The following CSAD variants were observed in gnomAD, a reference collection of about 807,000 sequenced individuals.
The protein encoded by CSAD is P-selectin cytoplasmic tail-associated protein.
Under a neutral mutation model 61.5 loss-of-function variants are expected in CSAD, and 47 were observed. The ratio of observed to expected loss-of-function variants is 0.76; its 90% CI spans 0.60 to 0.97. The LOEUF (loss-of-function observed/expected upper bound fraction) is 0.97, where lower values mean the gene tolerates loss of function less well. Ranked by LOEUF, CSAD falls within the 50% of genes least tolerant of loss-of-function variation. The probability of loss-of-function intolerance (pLI) is 0.00; values close to 1 mark genes in which losing one functional copy is unlikely to be tolerated. For synonymous variants in CSAD, 245 were observed against 252.7 expected, an observed-to-expected ratio of 0.97 and a Z score of 0.29; for missense variants, 611 against 643.6, an observed-to-expected ratio of 0.95 and a Z score of 0.55.
Position 53,159,616 on chromosome 12 carries a change from C to A in CSAD, c.1308+7G>T. On this transcript the variant is annotated splice_region_variant and intron_variant, in intron 16 of 16. Transcript: ENST00000444623. ...AACGGGTAAAGAGAGCAGCACAGCA[C>A]GCCTACCTTTGACAGCCTTTCGTGG... The A allele has an allele frequency of 3.1e-6, 5 of 1,607,782 alleles. No homozygotes were observed. The highest frequency in any genetic ancestry group is 4.2e-6 in the Non-Finnish European group (5 of 1,176,888).
chr12:53,171,446 C>A lies in CSAD; in HGVS notation c.452-5G>T. The stretch of plus-strand genomic sequence containing the variant: ...ACATGTTGGAGATGGAGCCACCTGT[C>A]ACAGGGAGGGGGCGGTGGCAAGAGG... On this transcript the variant is annotated splice_region_variant and splice_polypyrimidine_tract_variant and intron_variant, in intron 7 of 16. Transcript: ENST00000444623. 6.2e-7 allele frequency: 1 copy of A among 1,613,346 alleles called. No individual in the cohort carries two copies. Among genetic ancestry groups the A allele is most frequent in the East Asian group, 2.2e-5 (1 of 44,890 alleles).
chr12:53,167,128 C>T (rs895308702), intron 10 of CSAD, among the ~76,000 whole-genome samples: 3 of 152,156 alleles, frequency 2.0e-5, no homozygotes, highest in Admixed American at 6.5e-5. Context: ...AACAGTTCCA[C>T]ACACTTCAAA....
intron 10 of CSAD, among the ~76,000 whole-genome samples, chr12:53,167,271 C>A (rs532542407): frequency 1.3e-5 from 2 of 152,286 alleles, no homozygotes; most frequent in Admixed American, 1.3e-4. Context: ...AACTCCATAT[C>A]TTCAATTCCA....
intron 9 of CSAD, 94 bp from the exon 10 acceptor site, chr12:53,170,220 T>C: frequency 8.1e-7 from 1 of 1,234,100 alleles, no homozygotes. Context: ...ACAGTGCTAG[T>C]TTTTCCCTCA....
chr12:53,179,850 CCT>C (rs1190524904), intron 1 of CSAD: 2 of 1,613,420 alleles, frequency 1.2e-6, no homozygotes, highest in Non-Finnish European at 8.5e-7. Context: ...TTTAGCAGGA[CCT>C]CTCTCTAATG....
chr12:53,173,757 T>A lies in CSAD; in HGVS notation c.-36A>T. ...CTGCTCAGGAGAGCCGGAGGCAGGG[T>A]GCACAGGTAGCTCCTCAGGACAGCA... On this transcript the variant is annotated 5_prime_UTR_variant, in exon 3 of 17. Transcript: ENST00000444623. 6.2e-7 allele frequency: 1 copy of A among 1,613,242 alleles called. No individual in the cohort carries two copies. Among genetic ancestry groups the A allele is most frequent in the East Asian group, 2.2e-5 (1 of 44,880 alleles).
chr12:53,163,336 C>T (rs1163965781), intron 10 of CSAD, among the ~76,000 whole-genome samples: 1 of 152,176 alleles, frequency 6.6e-6, no homozygotes, highest in Non-Finnish European at 1.5e-5. Flanking sequence ...CGTGCCACTG[C>T]ACTCCAGCCT....
intron 7 of CSAD, 165 bp from the exon 8 acceptor site, chr12:53,171,606 G>T (rs1940588381): frequency 2.9e-6 from 2 of 698,956 alleles, no homozygotes; most frequent in Non-Finnish European, 4.7e-6. Flanking sequence ...TCCAGGATCA[G>T]CAGATCCTCT....
chr12:53,173,064 CG>C (rs1400183857), intron 4 of CSAD, among the ~76,000 whole-genome samples: 13 of 152,004 alleles, frequency 8.6e-5, no homozygotes, highest in African/African-American at 3.1e-4. Context: ...AAAAATTAGC[CG>C]GGCGTGGTGG....
chr12:53,176,731 AAT>A (rs1289348032), intron 2 of CSAD, among the ~76,000 whole-genome samples: 217 of 152,150 alleles, frequency 1.4e-3, no homozygotes, highest in African/African-American at 5.1e-3. Context: ...AAAAAAAAAA[AAT>A]ATTTATTTAT....
At chr12:53,178,331 A>G (rs939049832) in intron 2 of CSAD, 101 of 453,754 alleles carry the variant, frequency 2.2e-4, no homozygotes, top group Non-Finnish European at 4.1e-4. Flanking sequence ...AAACAAAAAA[A>G]AAACTACAAA....
At chr12:53,173,883 G>T in intron 2 of CSAD, 113 bp from the exon 3 acceptor site, 1 of 1,072,120 alleles carries the variant, frequency 9.3e-7, no homozygotes, top group Non-Finnish European at 1.4e-6. Flanking sequence ...TCTAACGCCA[G>T]AACATTTTCA....
chr12:53,175,949 G>C (rs1941071698), intron 2 of CSAD, among the ~76,000 whole-genome samples: 1 of 152,180 alleles, frequency 6.6e-6, no homozygotes, highest in Non-Finnish European at 1.5e-5. Flanking sequence ...GGTGACATGG[G>C]AACAAGCCTA....
At chr12:53,181,336 CGCCTCTGTAAAGT>C (rs1262942615), upstream of CSAD, 1 of 985,426 alleles carries the variant, frequency 1.0e-6, no homozygotes, top group Non-Finnish European at 1.2e-6. Context: ...CTAGTCTTGC[CGCCTCTGTAAAGT>C]GCGAGCTTTT....
chr12:53,169,040 C>A (rs959958427), intron 10 of CSAD, among the ~76,000 whole-genome samples: 1 of 151,854 alleles, frequency 6.6e-6, no homozygotes, highest in Non-Finnish European at 1.5e-5. Flanking sequence ...ATTAGCCAGG[C>A]GTGTTGATGC....
chr12:53,161,173 C>T lies in CSAD; in HGVS notation c.838G>A (p.Val280Ile), dbSNP rs749901931. The part of the protein sequence containing the change: ...LHVDAAWGGS[V>I]LLSQTHRHLL... ...TGCCTGTGTGTCTGTGACAGCAGGA[C>T]GCTCCCACCCCAGGCAGCCTGTGGA... The change falls in exon 12 of 17, where the codon GTC becomes ATC. Residue 280 changes from valine to isoleucine, a missense_variant. Coordinates refer to ENST00000444623, the MANE Select transcript of CSAD (RefSeq NM_001244705.2). 1.2e-5 allele frequency: 19 copies of T among 1,613,994 alleles called. No homozygotes were observed. The highest frequency in any genetic ancestry group is 4.5e-5 in the East Asian group (2 of 44,886).
chr12:53,170,487 G>A lies in CSAD; in HGVS notation c.583C>T (p.Gln195Ter). The change falls in exon 9 of 17, where the codon CAG becomes TAG. Residue 195 changes from glutamine to a stop codon, truncating the protein, a stop_gained. Transcript: ENST00000444623. LOFTEE classifies it high-confidence loss of function. ...FTSKECHYSI[Q>*]KGAAFLGLGT... ...AGTCCCAGAAACGCAGCTCCCTTCT[G>A]GATGGAGTAGTGACACTGTGGGGGA... 1 of 1,614,072 alleles carries A rather than the reference G, an allele frequency of 6.2e-7. No homozygotes were observed. The highest frequency in any genetic ancestry group is 8.5e-7 in the Non-Finnish European group (1 of 1,179,960).
intron 3 of CSAD, 37 bp downstream of exon 3, chr12:53,173,691 T>C (rs771161863): frequency 2.7e-6 from 4 of 1,505,154 alleles, no homozygotes; most frequent in African/African-American, 2.7e-5. Context: ...AAGTGGACTC[T>C]AGTGGCCATT....
intron 10 of CSAD, among the ~76,000 whole-genome samples, chr12:53,169,738 C>T (rs918461990): frequency 1.3e-5 from 2 of 152,070 alleles, no homozygotes; most frequent in African/African-American, 4.8e-5. Flanking sequence ...CAGTGCCTCT[C>T]CCCTCCTCAG....
Sources: allele counts gnomAD v4.1 joint callset (sites outside exome capture counted in the v4.1 genomes callset), GRCh38; gene constraint gnomAD v4.1.1; transcripts MANE v1.5; gene names NCBI Gene and HGNC (gene_info 2026-07-23, HGNC 2026-07-21).